MALRD1: variants seen among roughly 807,000 people sequenced by gnomAD.
The protein encoded by MALRD1 is MAM and LDL-receptor class A domain-containing protein 1.
In MALRD1, 247 loss-of-function variants were observed where a neutral mutation model predicts 242.1. That is an observed-to-expected ratio of 1.02 (90% CI 0.92 to 1.13). The LOEUF is 1.13. Ranked by LOEUF, MALRD1 falls within the 50% of genes most tolerant of loss-of-function variation. The pLI is 0.00. For missense variants in MALRD1, 2,989 were observed against 2,533.1 expected (o/e 1.18, Z -3.86); for synonymous variants, 995 against 866.6 (o/e 1.15, Z -2.60).
At chr10:19,615,799 C>T in intron 35 of MALRD1, 58 bp from the exon 36 acceptor site, 1 of 1,268,154 alleles carries the variant, frequency 7.9e-7, no homozygotes, top group Non-Finnish European at 1.1e-6. Context: ...GTGATATCTT[C>T]TTCTTCCTCC....
chr10:19,376,369 A>G lies in MALRD1; in HGVS notation c.4442-11159A>G, dbSNP rs528937099. ...TCTCTGAGGAGCCTCTTAAGAACCA[A>G]TTACATGTGTAGGGGCAAAATGCTG... On this transcript the variant is annotated intron_variant, in intron 26 of 39. Coordinates refer to ENST00000454679, the MANE Select transcript of MALRD1 (RefSeq NM_001142308.3). Among the ~76,000 whole-genome samples, 4 of 152,120 alleles carry G rather than the reference A, an allele frequency of 2.6e-5. No individual in the cohort carries two copies. The East Asian group carries it at 5.8e-4, about 22-fold the overall frequency.
At chr10:19,705,901 C>G (rs1156781533) in intron 38 of MALRD1, among the ~76,000 whole-genome samples, 1 of 151,274 alleles carries the variant, frequency 6.6e-6, no homozygotes, top group African/African-American at 2.4e-5. Context: ...CATTCTACCC[C>G]TTACCCTTTT....
intron 21 of MALRD1, among the ~76,000 whole-genome samples, chr10:19,311,908 G>A (rs1481542983): frequency 6.6e-6 from 1 of 151,404 alleles, no homozygotes; most frequent in African/African-American, 2.4e-5. Context: ...AACAGTGATA[G>A]GCCACAAAAC....
chr10:19,283,075 C>T lies in MALRD1; in HGVS notation c.3313C>T (p.Pro1105Ser), dbSNP rs944298921. Residue 1105 changes from proline (P) to serine (S), a missense_variant, in exon 21 of 40, where the codon CCA becomes TCA. Pro to Ser is a moderately conservative substitution (Grantham distance 74, BLOSUM62 -1). Coordinates refer to ENST00000454679, the MANE Select transcript of MALRD1 (RefSeq NM_001142308.3). ...RSLCKWYQPIPVHLLQDSNTF... is the reference protein window; with the variant it reads ...RSLCKWYQPISVHLLQDSNTF... ...CCTGTGTAAATGGTATCAACCAATC[C>T]CAGTACATTTGCTTCAAGATTCAAA... 4.5e-6 allele frequency: 7 copies of T among 1,549,910 alleles called. No homozygotes were observed. Among genetic ancestry groups the T allele is most frequent in the East Asian group, 4.9e-5 (2 of 40,864 alleles).
chr10:19,693,957 C>G lies in MALRD1; in HGVS notation c.6314+1403C>G, dbSNP rs575132551. 2.5e-3 allele frequency among the ~76,000 whole-genome samples: 379 copies of G among 151,904 alleles called. 1 individual carries two copies. The highest frequency in any genetic ancestry group is 7.6e-3 in the East Asian group (39 of 5,156). ...ACCATCTGATCTTTGACAAACCTGA[C>G]AAAAACAAGCAATGGGGAAAGGATT... On this transcript the variant is annotated intron_variant, in intron 38 of 39. Transcript: ENST00000454679.
rs1038473476 is a variant in MALRD1 at position 19,172,097 on chromosome 10, G to A, written c.1831-3111G>A. Among the ~76,000 whole-genome samples the A allele has an allele frequency of 6.4e-4, 86 of 134,424 alleles. 1 individual carries two copies. Among genetic ancestry groups the A allele is most frequent in the African/African-American group, 2.2e-3 (80 of 36,490 alleles). 88.2% of individuals were successfully genotyped at this position (134,424 alleles called of 152,430 possible). On this transcript the variant is annotated intron_variant, in intron 13 of 39. Coordinates refer to ENST00000454679, the MANE Select transcript of MALRD1 (RefSeq NM_001142308.3). ...TATCATATATCACATATGTGTATAT[G>A]TATCAGTTTGGTTATGTATATACAT...
intron 32 of MALRD1, among the ~76,000 whole-genome samples, chr10:19,545,588 C>G (rs1376821980): frequency 6.6e-6 from 1 of 152,150 alleles, no homozygotes; most frequent in Non-Finnish European, 1.5e-5. Flanking sequence ...GACTTTTACA[C>G]TACCTACTTT....
At chr10:19,534,179 T>C (rs1273330135) in intron 32 of MALRD1, among the ~76,000 whole-genome samples, 1 of 152,198 alleles carries the variant, frequency 6.6e-6, no homozygotes, top group Non-Finnish European at 1.5e-5. Context: ...GAAAAAGCCC[T>C]CGCCATTACA....
chr10:19,087,556 T>C (rs1588523494), intron 2 of MALRD1, among the ~76,000 whole-genome samples: 2 of 152,046 alleles, frequency 1.3e-5, no homozygotes, highest in South Asian at 4.1e-4. Flanking sequence ...CTTTTTTTTT[T>C]TTTTAAGTTT....
chr10:19,698,580 G>A (rs914748028), intron 38 of MALRD1, among the ~76,000 whole-genome samples: 4 of 152,058 alleles, frequency 2.6e-5, no homozygotes, highest in African/African-American at 7.2e-5. Flanking sequence ...CTCTTTCCTG[G>A]GAGAAGAAAT....
intron 33 of MALRD1, among the ~76,000 whole-genome samples, chr10:19,593,477 A>G (rs1837922539): frequency 1.3e-5 from 2 of 152,208 alleles, no homozygotes; most frequent in South Asian, 4.1e-4. Flanking sequence ...AATTATTCTC[A>G]TACAACCCAT....
intron 26 of MALRD1, among the ~76,000 whole-genome samples, chr10:19,372,106 G>T (rs1845405347): frequency 1.3e-5 from 2 of 151,972 alleles, no homozygotes; most frequent in Non-Finnish European, 2.9e-5. Flanking sequence ...ATAAAAATAG[G>T]AAATAATTAA....
intron 32 of MALRD1, among the ~76,000 whole-genome samples, chr10:19,544,508 T>C (rs568365511): frequency 2.6e-5 from 4 of 152,142 alleles, no homozygotes; most frequent in East Asian, 3.9e-4. Flanking sequence ...TTTAGATGGG[T>C]TGGCTAGATT....
At chr10:19,154,908 C>T (rs1209085908) in intron 11 of MALRD1, among the ~76,000 whole-genome samples, 167 bp from the exon 12 acceptor site, 1 of 151,988 alleles carries the variant, frequency 6.6e-6, no homozygotes, top group Non-Finnish European at 1.5e-5. Flanking sequence ...AATGTTATAC[C>T]GGTATAAATG....
At chr10:19,631,037 T>G (rs1174739732) in intron 36 of MALRD1, among the ~76,000 whole-genome samples, 1 of 152,176 alleles carries the variant, frequency 6.6e-6, no homozygotes, top group East Asian at 1.9e-4. Flanking sequence ...TGGAGGTTTG[T>G]AATATAGGCA....
intron 14 of MALRD1, among the ~76,000 whole-genome samples, chr10:19,185,814 AGTGTGTGT>A (rs5783657): frequency 6.7e-5 from 10 of 148,286 alleles, no homozygotes; most frequent in African/African-American, 1.5e-4. Flanking sequence ...GTTTTGAGAT[AGTGTGTGT>A]GTGTGTGTGT....
intron 19 of MALRD1, among the ~76,000 whole-genome samples, chr10:19,274,346 C>T (rs1195876818): frequency 1.3e-5 from 2 of 152,140 alleles, no homozygotes; most frequent in Admixed American, 6.5e-5. Context: ...GTGGACTGAA[C>T]GTATTTTCCC....
At chr10:19,623,712 C>G (rs191378720) in intron 36 of MALRD1, among the ~76,000 whole-genome samples, 5 of 152,246 alleles carry the variant, frequency 3.3e-5, no homozygotes, top group Admixed American at 3.3e-4. Context: ...GAAGGAACCA[C>G]TTCCCTCTCC....
At chr10:19,343,317 T>C (rs917028475) in intron 24 of MALRD1, among the ~76,000 whole-genome samples, 2 of 152,114 alleles carry the variant, frequency 1.3e-5, no homozygotes, top group Non-Finnish European at 2.9e-5. Flanking sequence ...TCATGCATTT[T>C]TCCCTCAGTG....
Sources: gnomAD v4.1 joint callset for allele counts (sites outside exome capture counted in the v4.1 genomes callset) on GRCh38, gnomAD v4.1.1 for gene constraint, MANE v1.5 for transcripts, NCBI Gene and HGNC (gene_info 2026-07-23, HGNC 2026-07-21) for gene names.